The following AIPL1 variants were observed in gnomAD, a reference collection of about 807,000 sequenced individuals.
AIPL1 encodes the protein aryl-hydrocarbon-interacting protein-like 1.
In AIPL1, 23 loss-of-function variants were observed where a neutral mutation model predicts 32.9. The observed-to-expected ratio is 0.70, with a 90% CI of 0.50 to 0.99. The LOEUF (loss-of-function observed/expected upper bound fraction) is 0.99, where lower values mean the gene tolerates loss of function less well. Ranked by LOEUF, AIPL1 falls within the 50% of genes least tolerant of loss-of-function variation. The pLI, the probability that AIPL1 is intolerant of heterozygous loss-of-function variation, is 0.00. For missense variants in AIPL1, 485 were observed against 506.0 expected (o/e 0.96, Z 0.40); for synonymous variants, 210 against 209.4 (o/e 1.00, Z -0.02).
At chr17:6,430,271 C>A (rs1393543597) in intron 2 of AIPL1, among the ~76,000 whole-genome samples, 1 of 151,914 alleles carries the variant, frequency 6.6e-6, no homozygotes, top group Non-Finnish European at 1.5e-5. Flanking sequence ...GCCTGGCCAA[C>A]ATGTTGAAAT....
chr17:6,430,526 A>C (rs1398725435), intron 2 of AIPL1, among the ~76,000 whole-genome samples: 2 of 151,950 alleles, frequency 1.3e-5, no homozygotes, highest in Non-Finnish European at 2.9e-5. Flanking sequence ...GTGACTATCA[A>C]CATGGAAAAA....
At chr17:6,430,410 C>G (rs1016140706) in intron 2 of AIPL1, among the ~76,000 whole-genome samples, 1 of 141,136 alleles carries the variant, frequency 7.1e-6, no homozygotes, top group African/African-American at 2.7e-5. Context: ...GAGCCAATCC[C>G]ACACCATTGC....
At chr17:6,433,773 A>T in intron 2 of AIPL1, 146 bp downstream of exon 2, 1 of 1,052,860 alleles carries the variant, frequency 9.5e-7, no homozygotes. Flanking sequence ...CTTCACATGC[A>T]CAGCGGTGGG....
chr17:6,425,724 C>A lies in AIPL1; in HGVS notation c.891G>T (p.Met297Ile). 1.9e-6 allele frequency: 3 copies of A among 1,607,782 alleles called. No individual in the cohort carries two copies. The highest frequency in any genetic ancestry group is 2.5e-6 in the Non-Finnish European group (3 of 1,179,996). ...LQKVLELEPS[M>I]QKAVRRELRL... The stretch of plus-strand genomic sequence containing the variant: ...TCAGCTCCCTGCGCACCGCCTTCTG[C>A]ATGGACGGCTCCAGCTCCAGCACTT... Residue 297 changes from methionine (M) to isoleucine (I), a missense_variant, in exon 6 of 6, where the codon ATG (methionine) becomes ATT (isoleucine). Coordinates refer to ENST00000381129, the MANE Select transcript of AIPL1 (RefSeq NM_014336.5).
rs758622569 is a variant in AIPL1, at chr17:6,433,611, T to TCTCTCACACACA, written c.276+307_276+308insTGTGTGTGAGAG. ...ATCTCTCTCTCTCTCTCTCTCTCTCTCACACACACACACACACACACACAC... is the reference window on the plus strand; with the variant it reads ...ATCTCTCTCTCTCTCTCTCTCTCTCTCTCTCACACACACACACACACACACACACACACACAC... On this transcript the variant is annotated intron_variant, in intron 2 of 5. Coordinates refer to ENST00000381129, the MANE Select transcript of AIPL1 (RefSeq NM_014336.5). 1.6e-3 allele frequency among the ~76,000 whole-genome samples: 168 copies of TCTCTCACACACA among 106,294 alleles called. 1 individual carries two copies. The highest frequency in any genetic ancestry group is 2.6e-3 in the Non-Finnish European group (135 of 52,546). The allele number at this position is 106,294 out of a possible 152,430, so 69.7% of individuals were successfully genotyped here.
At position 6,426,082 on chromosome 17, in the gene AIPL1, A is replaced by G. The variant is rs373463196; in HGVS notation, c.785-252T>C. 2.7e-4 allele frequency: 333 copies of G among 1,223,136 alleles called. 4 individuals carry two copies. The African/African-American group carries it at 4.7e-3, about 17-fold the overall frequency. 75.8% of individuals were successfully genotyped at this position (1,223,136 alleles called of 1,614,324 possible). A position where few individuals can be genotyped will look rare whatever the true frequency, so the allele number is the denominator to read the frequency against. ...TAACTTTGTTTTATTTTTCTTATAG[A>G]CGCTACCTAAATTAGATAACCTTCA... On this transcript the variant is annotated intron_variant, in intron 5 of 5. Transcript: ENST00000381129.
At chr17:6,433,611 T>TCACACACA (rs541117064) in intron 2 of AIPL1, among the ~76,000 whole-genome samples, 2 of 106,258 alleles carry the variant, frequency 1.9e-5, no homozygotes, top group African/African-American at 7.5e-5. Context: ...TCTCTCTCTC[T>TCACACACA]CACACACACA....
Position 6,425,774 on chromosome 17 carries a change from C to T in AIPL1, c.841G>A (p.Ala281Thr), listed in dbSNP as rs1162453772. The change falls in exon 6 of 6, where the codon GCC (alanine) becomes ACC (threonine). Residue 281 changes from alanine (A) to threonine (T), a missense_variant. By Grantham distance (58) the Ala-to-Thr change is moderately conservative. Transcript: ENST00000381129. ...TTCTGGAGGTCCGCCTTGGCCTCGG[C>T]CTCATTCCACACCTCTGCGTGAGCC... ...ARAHAEVWNE[A>T]EAKADLQKVL... is the part of the protein sequence containing the mutation. 1.2e-6 allele frequency: 2 copies of T among 1,606,592 alleles called. No individual in the cohort carries two copies. Among genetic ancestry groups the T allele is most frequent in the East Asian group, 4.5e-5 (2 of 44,860 alleles).
intron 1 of AIPL1, among the ~76,000 whole-genome samples, 168 bp from the exon 2 acceptor site, chr17:6,434,266 G>GGGA (rs1418600232): frequency 6.6e-6 from 1 of 151,596 alleles, no homozygotes; most frequent in Non-Finnish European, 1.5e-5. Flanking sequence ...GCACCCCCCA[G>GGGA]GGAGGAGGGA....
At chr17:6,434,223 G>T (rs558498885) in intron 1 of AIPL1, 125 bp from the exon 2 acceptor site, 2 of 1,105,442 alleles carry the variant, frequency 1.8e-6, no homozygotes, top group South Asian at 1.3e-5. Context: ...CCCATCAGAT[G>T]CCTCAGACCC....
At chr17:6,427,286 T>C (rs1236844932) in intron 3 of AIPL1, among the ~76,000 whole-genome samples, 1 of 152,224 alleles carries the variant, frequency 6.6e-6, no homozygotes. Context: ...CTTCTAATAT[T>C]CAGAAAATTG....
intron 1 of AIPL1, 103 bp from the exon 2 acceptor site, chr17:6,434,201 C>T: frequency 7.6e-7 from 1 of 1,310,642 alleles, no homozygotes; most frequent in Non-Finnish European, 1.1e-6. Flanking sequence ...AGGGTCAGCT[C>T]ACTCAGTTCA....
rs62637015 is a variant in AIPL1 at position 6,425,710 on chromosome 17, C to T, written c.905G>A (p.Arg302His). The change falls in exon 6 of 6, where the codon CGC (arginine) becomes CAC (histidine). Residue 302 changes from arginine (R) to histidine (H), a missense_variant. Transcript: ENST00000381129. ...ELEPSMQKAV[R>H]RELRLLENRM... Reference sequence around the variant, plus strand: ...GTTCTCCAGCAGCCTCAGCTCCCTGCGCACCGCCTTCTGCATGGACGGCTC... The same window carrying T: ...GTTCTCCAGCAGCCTCAGCTCCCTGTGCACCGCCTTCTGCATGGACGGCTC... The T allele has an allele frequency of 3.7e-6, 6 of 1,608,048 alleles. No homozygotes were observed. In the South Asian group the frequency reaches 5.5e-5, roughly 15 times the overall value.
chr17:6,426,476 T>G lies in AIPL1; in HGVS notation c.784+139A>C. The G allele has an allele frequency of 2.0e-6, 3 of 1,508,046 alleles. No individual in the cohort carries two copies. The South Asian group carries it at 3.8e-5, about 19-fold the overall frequency. The allele number at this position is 1,508,046 out of a possible 1,614,324, so 93.4% of individuals were successfully genotyped here. On this transcript the variant is annotated intron_variant, in intron 5 of 5. Transcript: ENST00000381129. The stretch of plus-strand genomic sequence containing the variant: ...CATCACCCACAATTCAGTTACACAC[T>G]CGGGGAAACCCGGCTGGGTGGAGAC...
At chr17:6,430,282 C>A (rs950062029) in intron 2 of AIPL1, among the ~76,000 whole-genome samples, 1 of 151,752 alleles carries the variant, frequency 6.6e-6, no homozygotes, top group Non-Finnish European at 1.5e-5. Context: ...ATGTTGAAAT[C>A]CCATCTCTAC....
chr17:6,432,748 A>G (rs2150689503), intron 2 of AIPL1, among the ~76,000 whole-genome samples: 1 of 151,962 alleles, frequency 6.6e-6, no homozygotes, highest in Middle Eastern at 3.4e-3. Flanking sequence ...CTCCTGCCTC[A>G]GCCTCCTGAG....
At chr17:6,426,365 G>A in intron 5 of AIPL1, 1 of 1,419,166 alleles carries the variant, frequency 7.0e-7, no homozygotes, top group Non-Finnish European at 9.2e-7. Context: ...CCGTTCCGCT[G>A]AAATCACAAG....
chr17:6,434,982 TG>T lies in AIPL1; in HGVS notation c.96+26del, dbSNP rs1349915355. The T allele has an allele frequency of 1.9e-5, 31 of 1,613,904 alleles. No homozygotes were observed. The East Asian group carries it at 6.9e-4, about 36-fold the overall frequency. On this transcript the variant is annotated intron_variant, in intron 1 of 5. Coordinates refer to ENST00000381129, the MANE Select transcript of AIPL1 (RefSeq NM_014336.5). ...TGTTGAAAGCTGCTGTGGGGGACCC[TG>T]TCTGCTCCGGAGGGGCCCCACTCAC...
rs1912868803 is a variant in AIPL1, at chr17:6,433,815, T to G, written c.276+104A>C. 4.2e-6 allele frequency: 6 copies of G among 1,417,084 alleles called. No homozygotes were observed. In the South Asian group the frequency reaches 7.4e-5, roughly 17 times the overall value. 87.8% of individuals were successfully genotyped at this position (1,417,084 alleles called of 1,614,324 possible). Reference sequence around the variant, plus strand: ...GTTTGCAGGACTGGCTTTGCAAAGCTTCGCTTGAGTCCCAGCTTTCCCGAA... The same window carrying G: ...GTTTGCAGGACTGGCTTTGCAAAGCGTCGCTTGAGTCCCAGCTTTCCCGAA... On this transcript the variant is annotated intron_variant, in intron 2 of 5. Coordinates refer to ENST00000381129, the MANE Select transcript of AIPL1 (RefSeq NM_014336.5).
Sources: gnomAD v4.1 joint callset for allele counts (sites outside exome capture counted in the v4.1 genomes callset) on GRCh38, gnomAD v4.1.1 for gene constraint, MANE v1.5 for transcripts, NCBI Gene and HGNC (gene_info 2026-07-23, HGNC 2026-07-21) for gene names.